Variants in ACTR2 observed in about 807,000 individuals in gnomAD.
ACTR2 encodes actin related protein 2, also known as actin-related protein 2.
A neutral mutation model predicts 50.2 loss-of-function variants in ACTR2; 5 were observed. That is an observed-to-expected ratio of 0.10 (90% confidence interval 0.05 to 0.21). The LOEUF is 0.21. Ranked by LOEUF, ACTR2 falls within the 10% of genes least tolerant of loss-of-function variation. The probability of loss-of-function intolerance (pLI) is 1.00; values close to 1 mark genes in which losing one functional copy is unlikely to be tolerated. For synonymous variants in ACTR2, 140 were observed against 162.9 expected, an observed-to-expected ratio of 0.86 and a Z score of 1.07; for missense variants, 180 against 480.6, an observed-to-expected ratio of 0.37 and a Z score of 5.85.
chr2:65,256,052 A>G (rs899801350), intron 6 of ACTR2, among the ~76,000 whole-genome samples: 21 of 152,188 alleles, frequency 1.4e-4, no homozygotes, highest in African/African-American at 5.1e-4. Context: ...AAAGGATTAC[A>G]TTGTCAGATG....
rs1672262608 is a variant in ACTR2, at chr2:65,261,239, G to C, written c.736-8G>C. 1 of 1,613,524 alleles carries C rather than the reference G, an allele frequency of 6.2e-7. No homozygotes were observed. The highest frequency in any genetic ancestry group is 1.1e-5 in the South Asian group (1 of 91,042). On this transcript the variant is annotated splice_polypyrimidine_tract_variant and splice_region_variant and intron_variant, in intron 6 of 8. Transcript: ENST00000260641. ...GCTGATTAGTACCTGATTATTCTTG[G>C]TTTCTAGCTCCCAGATGGACGTATC...
intron 4 of ACTR2, among the ~76,000 whole-genome samples, chr2:65,252,513 CAT>C (rs1672072823): frequency 6.6e-6 from 1 of 151,978 alleles, no homozygotes; most frequent in Non-Finnish European, 1.5e-5. Flanking sequence ...GGCATGGTGG[CAT>C]GTGCCTGTAA....
At chr2:65,238,627 C>A (rs530720719) in intron 1 of ACTR2, among the ~76,000 whole-genome samples, 1 of 145,588 alleles carries the variant, frequency 6.9e-6, no homozygotes, top group East Asian at 2.0e-4. Flanking sequence ...CCACTGCACT[C>A]CACCCTGGGC....
chr2:65,245,767 G>C (rs1484142344), intron 2 of ACTR2, among the ~76,000 whole-genome samples: 2 of 152,112 alleles, frequency 1.3e-5, no homozygotes, highest in African/African-American at 4.8e-5. Flanking sequence ...TCTTAAGTAT[G>C]CTCTCATTGG....
intron 3 of ACTR2, among the ~76,000 whole-genome samples, chr2:65,250,490 T>C (rs1672025506): frequency 6.6e-6 from 1 of 151,044 alleles, no homozygotes; most frequent in South Asian, 2.1e-4. Flanking sequence ...CTGGCCAACA[T>C]AGTGAAACCC....
chr2:65,234,109 C>T (rs1671689699), intron 1 of ACTR2, among the ~76,000 whole-genome samples: 1 of 151,684 alleles, frequency 6.6e-6, no homozygotes. Context: ...TGGGGTTTTG[C>T]TCTGTAGCTT....
chr2:65,241,622 AGAGCTTGGAAAAACAACCCT>A (rs1205393624), intron 2 of ACTR2, among the ~76,000 whole-genome samples: 7 of 152,194 alleles, frequency 4.6e-5, no homozygotes, highest in African/African-American at 1.4e-4. Context: ...CTTGAACACT[AGAGCTTGGAAAAACAACCCT>A]GAGCTATCTA....
intron 1 of ACTR2, among the ~76,000 whole-genome samples, chr2:65,230,595 G>C (rs1420923897): frequency 6.6e-6 from 1 of 151,502 alleles, no homozygotes; most frequent in Non-Finnish European, 1.5e-5. Flanking sequence ...TATTTTTGTA[G>C]AGACTGGGTC....
In ACTR2 at chr2:65,269,333, GTCT is replaced by G. The variant is rs1252103288; in HGVS notation, c.*603_*605del. 2.0e-5 allele frequency: 3 copies of G among 152,190 alleles called. No homozygotes were observed. The highest frequency in any genetic ancestry group is 2.9e-5 in the Non-Finnish European group (2 of 68,008). The allele number at this position is 152,190 out of a possible 1,614,324, so 9.4% of individuals were successfully genotyped here. A position where few individuals can be genotyped will look rare whatever the true frequency, so the allele number is the denominator to read the frequency against. ...GCGGGGGGGAGGGTAACAATGGGTG[GTCT>G]TCTGATTTTTATTTTTGAGGTTTTG... On this transcript the variant is annotated 3_prime_UTR_variant, in exon 9 of 9. Transcript: ENST00000260641.
intron 8 of ACTR2, among the ~76,000 whole-genome samples, chr2:65,265,524 G>A (rs1257983186): frequency 1.3e-5 from 2 of 152,062 alleles, no homozygotes; most frequent in Non-Finnish European, 2.9e-5. Context: ...CTTATTTTTT[G>A]GATATGCAAT....
chr2:65,257,109 C>G (rs998076057), intron 6 of ACTR2, among the ~76,000 whole-genome samples: 1 of 152,012 alleles, frequency 6.6e-6, no homozygotes, highest in Non-Finnish European at 1.5e-5. Context: ...TGCCGCCCCC[C>G]ACCCAACAGG....
At position 65,238,387 on chromosome 2, in the gene ACTR2, C is replaced by T. The variant is rs184460073; in HGVS notation, c.49-1465C>T. On this transcript the variant is annotated intron_variant, in intron 1 of 8. Transcript: ENST00000260641. ...GTAAAAATGTAAATAGGGCCAGGCG[C>T]GGTGGCTCACGCCTGTAATCCCAGC... Among the ~76,000 whole-genome samples, 287 of 151,962 alleles carry T rather than the reference C, an allele frequency of 1.9e-3. 2 individuals carry two copies. Among genetic ancestry groups the T allele is most frequent in the South Asian group, 0.017 (80 of 4,798 alleles).
intron 4 of ACTR2, among the ~76,000 whole-genome samples, chr2:65,252,011 T>C (rs2104004590): frequency 6.6e-6 from 1 of 152,170 alleles, no homozygotes; most frequent in Admixed American, 6.5e-5. Context: ...AAGGAGTCTT[T>C]TAGGCACTTC....
chr2:65,252,268 TA>T (rs946038705), intron 4 of ACTR2, among the ~76,000 whole-genome samples: 4 of 152,080 alleles, frequency 2.6e-5, no homozygotes, highest in African/African-American at 9.7e-5. Flanking sequence ...CTCTTCTTTT[TA>T]AAAGAGTACA....
At chr2:65,251,942 T>C (rs1672060622) in intron 4 of ACTR2, among the ~76,000 whole-genome samples, 2 of 151,748 alleles carry the variant, frequency 1.3e-5, no homozygotes, top group South Asian at 4.2e-4. Context: ...TTTTTTTTTA[T>C]GGTCTTATAA....
chr2:65,241,644 A>C (rs1009626816), intron 2 of ACTR2, among the ~76,000 whole-genome samples: 1 of 152,162 alleles, frequency 6.6e-6, no homozygotes, highest in African/African-American at 2.4e-5. Context: ...AACAACCCTG[A>C]GCTATCTAAC....
intron 3 of ACTR2, among the ~76,000 whole-genome samples, chr2:65,248,314 C>T (rs532053744): frequency 4.6e-5 from 7 of 151,928 alleles, no homozygotes; most frequent in East Asian, 1.9e-4. Context: ...GCAGGAGAAT[C>T]GCTTGAACCC....
rs755199822 is a variant in ACTR2, at chr2:65,246,601, A to G, written c.237A>G (p.Val79=). 6.2e-7 allele frequency: 1 copy of G among 1,613,548 alleles called. No individual in the cohort carries two copies. The highest frequency in any genetic ancestry group is 8.5e-7 in the Non-Finnish European group (1 of 1,179,652). Residue 79 remains valine (V), a synonymous_variant, in exon 3 of 9, where the codon GTA becomes GTG. Coordinates refer to ENST00000260641, the MANE Select transcript of ACTR2 (RefSeq NM_005722.4). ...EVNYPMENGI[V]RNWDDMKHLW... Reference sequence around the variant, plus strand: ...ACTACCCTATGGAAAATGGCATAGTACGAAATTGGGATGACATGAAACACC... The same window carrying G: ...ACTACCCTATGGAAAATGGCATAGTGCGAAATTGGGATGACATGAAACACC...
intron 3 of ACTR2, among the ~76,000 whole-genome samples, chr2:65,250,429 CTT>C (rs1480293127): frequency 1.3e-5 from 2 of 151,614 alleles, no homozygotes; most frequent in African/African-American, 4.9e-5. Context: ...AATCCCAGCA[CTT>C]TGGGAGGCCG....
Sources: gnomAD v4.1 joint callset for allele counts (sites outside exome capture counted in the v4.1 genomes callset) on GRCh38, gnomAD v4.1.1 for gene constraint, MANE v1.5 for transcripts, NCBI Gene and HGNC (gene_info 2026-07-23, HGNC 2026-07-21) for gene names.